SULF1: variants seen among roughly 807,000 people sequenced by gnomAD.
SULF1 encodes the protein extracellular sulfatase Sulf-1.
A neutral mutation model predicts 110.5 loss-of-function variants in SULF1; 46 were observed. The ratio of observed to expected loss-of-function variants is 0.42; its 90% CI spans 0.33 to 0.53. The LOEUF (loss-of-function observed/expected upper bound fraction) is 0.53, where lower values mean the gene tolerates loss of function less well. Among genes scored for constraint, SULF1 ranks in the 20% least tolerant of loss-of-function variants. SULF1 has a pLI of 0.12. For missense variants in SULF1, 941 were observed against 1,094.2 expected (o/e 0.86, Z 1.98); for synonymous variants, 371 against 387.1 (o/e 0.96, Z 0.49).
intron 1 of SULF1, among the ~76,000 whole-genome samples, chr8:69,468,244 A>G (rs981799362): frequency 3.9e-5 from 6 of 152,186 alleles, no homozygotes; most frequent in Admixed American, 1.3e-4. Flanking sequence ...ATAATATTGT[A>G]TATAAGCTGT....
intron 22 of SULF1, among the ~76,000 whole-genome samples, chr8:69,647,643 T>G (rs1812021993): frequency 6.6e-6 from 1 of 152,208 alleles, no homozygotes; most frequent in East Asian, 2.0e-4. Context: ...GGCTCACACC[T>G]GTAATCGCAG....
intron 2 of SULF1, among the ~76,000 whole-genome samples, chr8:69,501,487 C>T (rs976285920): frequency 2.6e-5 from 4 of 152,318 alleles, no homozygotes; most frequent in Admixed American, 1.3e-4. Context: ...TGATTCAGCG[C>T]GTTTTCCTTT....
intron 18 of SULF1, 29 bp downstream of exon 18, chr8:69,628,265 C>T (rs773370982): frequency 1.3e-6 from 2 of 1,597,540 alleles, no homozygotes; most frequent in East Asian, 4.5e-5. Flanking sequence ...TCCACATTTG[C>T]TGGGAGTCAA....
At chr8:69,507,114 A>C (rs1055708093) in intron 3 of SULF1, among the ~76,000 whole-genome samples, 4 of 152,228 alleles carry the variant, frequency 2.6e-5, no homozygotes, top group African/African-American at 9.6e-5. Context: ...ACCATGCCAC[A>C]GTTTAGGATA....
chr8:69,650,233 C>T (rs1339426412), intron 22 of SULF1, among the ~76,000 whole-genome samples: 2 of 151,754 alleles, frequency 1.3e-5, no homozygotes, highest in South Asian at 2.1e-4. Flanking sequence ...CTCCTAGGCT[C>T]AAGCGATTCT....
At chr8:69,593,613 A>G (rs1487433248) in intron 8 of SULF1, among the ~76,000 whole-genome samples, 1 of 152,186 alleles carries the variant, frequency 6.6e-6, no homozygotes, top group Non-Finnish European at 1.5e-5. Context: ...TTAGCTTTAC[A>G]AACGGATGGT....
chr8:69,517,954 T>C (rs1307967591), intron 3 of SULF1, among the ~76,000 whole-genome samples: 1 of 152,232 alleles, frequency 6.6e-6, no homozygotes, highest in Non-Finnish European at 1.5e-5. Context: ...ATTTTACATT[T>C]ATCATAGGCA....
Position 69,603,245 on chromosome 8 carries a change from C to T in SULF1, c.1115C>T (p.Ala372Val). ...IDLAPTILDI[A>V]GLDTPPDVDG... ...TTGGCCCCCACGATCCTGGATATTG[C>T]TGGGCTCGACACACCTCCTGATGTG... Residue 372 changes from alanine (A) to valine (V), a missense_variant, in exon 11 of 23, where the codon GCT (alanine) becomes GTT (valine). Ala to Val is a moderately conservative substitution (Grantham distance 64, BLOSUM62 0). This residue lies in a region of SULF1 where 822 missense variants were observed against 934.3 expected (regional missense o/e 0.88). Transcript: ENST00000402687. 6.2e-7 allele frequency: 1 copy of T among 1,614,150 alleles called. No homozygotes were observed. Among genetic ancestry groups the T allele is most frequent in the South Asian group, 1.1e-5 (1 of 91,080 alleles).
intron 3 of SULF1, among the ~76,000 whole-genome samples, chr8:69,549,112 T>G (rs1586371034): frequency 6.6e-6 from 1 of 152,274 alleles, no homozygotes; most frequent in South Asian, 2.1e-4. Context: ...ACTCGCAGTT[T>G]CCATCAGCAA....
intron 22 of SULF1, among the ~76,000 whole-genome samples, chr8:69,646,391 G>C (rs980229432): frequency 6.6e-6 from 1 of 151,120 alleles, no homozygotes; most frequent in South Asian, 2.1e-4. Flanking sequence ...TAACCCTCTC[G>C]ATAACTTCGT....
chr8:69,596,544 A>G (rs1434867562), intron 8 of SULF1, among the ~76,000 whole-genome samples: 1 of 152,136 alleles, frequency 6.6e-6, no homozygotes, highest in African/African-American at 2.4e-5. Flanking sequence ...TTAAATCAGG[A>G]TGAAAGCTAA....
intron 3 of SULF1, among the ~76,000 whole-genome samples, chr8:69,511,292 A>C (rs529333282): frequency 6.6e-6 from 1 of 152,266 alleles, no homozygotes; most frequent in South Asian, 2.1e-4. Flanking sequence ...GGATTTGTTT[A>C]CCCTTTGGTT....
intron 1 of SULF1, among the ~76,000 whole-genome samples, chr8:69,471,338 T>C (rs1299651267): frequency 1.3e-5 from 2 of 151,774 alleles, no homozygotes; most frequent in African/African-American, 4.8e-5. Context: ...CTCTCTAGAG[T>C]TACCCCAATT....
chr8:69,573,845 C>T (rs1399261883), intron 5 of SULF1, among the ~76,000 whole-genome samples: 2 of 152,220 alleles, frequency 1.3e-5, no homozygotes, highest in Non-Finnish European at 2.9e-5. Flanking sequence ...TACTTCTTCA[C>T]CATCAGTGAA....
chr8:69,654,696 ATCC>A (rs1260577998), intron 22 of SULF1, among the ~76,000 whole-genome samples: 1 of 152,118 alleles, frequency 6.6e-6, no homozygotes, highest in Non-Finnish European at 1.5e-5. Flanking sequence ...CTCTCCTCTT[ATCC>A]TCCTGCAAAG....
chr8:69,551,324 C>T (rs958862001), intron 3 of SULF1, among the ~76,000 whole-genome samples: 4 of 152,160 alleles, frequency 2.6e-5, no homozygotes, highest in Non-Finnish European at 5.9e-5. Context: ...TGTCAGAGTC[C>T]GTTACTTCAC....
At chr8:69,560,877 G>C (rs1473361850) in intron 3 of SULF1, among the ~76,000 whole-genome samples, 3 of 152,216 alleles carry the variant, frequency 2.0e-5, no homozygotes, top group Non-Finnish European at 4.4e-5. Flanking sequence ...GTGAGATAGA[G>C]AGAGGACTCG....
chr8:69,654,552 A>G (rs1812575600), intron 22 of SULF1, among the ~76,000 whole-genome samples: 1 of 152,182 alleles, frequency 6.6e-6, no homozygotes, highest in Non-Finnish European at 1.5e-5. Context: ...TTTAAAGTAT[A>G]ATTAGGGTTT....
intron 19 of SULF1, among the ~76,000 whole-genome samples, chr8:69,630,484 G>A (rs533088127): frequency 6.6e-6 from 1 of 152,264 alleles, no homozygotes; most frequent in African/African-American, 2.4e-5. Context: ...GGGGATCTAG[G>A]GCTTGTCCTA....
Sources: gnomAD v4.1 joint callset for allele counts (sites outside exome capture counted in the v4.1 genomes callset) on GRCh38, gnomAD v4.1.1 for gene constraint, gnomAD v4.1.1 regional missense constraint, MANE v1.5 for transcripts, NCBI Gene and HGNC (gene_info 2026-07-23, HGNC 2026-07-21) for gene names.